The following MYO6 variants were observed in gnomAD, a reference collection of about 807,000 sequenced individuals.
MYO6 encodes the protein unconventional myosin-VI.
A neutral mutation model predicts 178.7 loss-of-function variants in MYO6; 74 were observed. The ratio of observed to expected loss-of-function variants is 0.41; its 90% CI spans 0.34 to 0.50. MYO6 has a LOEUF of 0.50. MYO6 is among the 20% of genes least tolerant of loss of function. The pLI is 0.09. For missense variants in MYO6, 1,330 were observed against 1,547.4 expected, an observed-to-expected ratio of 0.86 and a Z score of 2.36; for synonymous variants, 477 against 504.6, an observed-to-expected ratio of 0.95 and a Z score of 0.73.
intron 19 of MYO6, among the ~76,000 whole-genome samples, chr6:75,870,943 G>C (rs59971800): frequency 1.7e-3 from 255 of 152,104 alleles, no homozygotes; most frequent in African/African-American, 6.0e-3. Flanking sequence ...AAAATAAGTG[G>C]TAATAGTGGA....
rs1780530813 is a variant in MYO6, at chr6:75,908,635, G to GA, written c.3412+11dup. The GA allele has an allele frequency of 1.2e-6, 2 of 1,612,996 alleles. No individual in the cohort carries two copies. Among genetic ancestry groups the GA allele is most frequent in the Non-Finnish European group, 1.7e-6 (2 of 1,179,226 alleles). On this transcript the variant is annotated intron_variant, in intron 32 of 34. Transcript: ENST00000369977. ...AGTCTGTTACTGATTATGGTAAAGA[G>GA]AAATCTGTACTTTTGAACGTTTTAA...
intron 1 of MYO6, among the ~76,000 whole-genome samples, chr6:75,758,709 C>T (rs1200457486): frequency 2.6e-5 from 4 of 152,150 alleles, no homozygotes; most frequent in African/African-American, 4.8e-5. Flanking sequence ...CTGCCCGACT[C>T]GGCCTCCCAG....
At chr6:75,755,385 A>T (rs1777261478) in intron 1 of MYO6, among the ~76,000 whole-genome samples, 3 of 152,178 alleles carry the variant, frequency 2.0e-5, no homozygotes, top group Admixed American at 2.0e-4. Context: ...GCTTCAAGTC[A>T]GGTGGTTCAG....
chr6:75,797,313 G>T (rs549968342), intron 1 of MYO6, among the ~76,000 whole-genome samples: 30 of 152,226 alleles, frequency 2.0e-4, no homozygotes, highest in African/African-American at 7.2e-4. Context: ...GGCTGATCTC[G>T]AACTCCCGAC....
intron 10 of MYO6, among the ~76,000 whole-genome samples, chr6:75,845,408 A>G (rs1048961900): frequency 6.6e-6 from 1 of 152,180 alleles, no homozygotes; most frequent in Non-Finnish European, 1.5e-5. Context: ...AGAAATGCTT[A>G]TAGGCTAGGC....
intron 3 of MYO6, 55 bp downstream of exon 3, chr6:75,822,906 A>T (rs1772049015): frequency 7.2e-7 from 1 of 1,380,044 alleles, no homozygotes; most frequent in Admixed American, 1.7e-5. Flanking sequence ...CTGTTCTTTT[A>T]AAAAAATAAA....
In MYO6 at chr6:75,886,075, A is replaced by G; in HGVS notation, c.2488A>G (p.Lys830Glu). The change falls in exon 24 of 35, where the codon AAG becomes GAG. Residue 830 changes from lysine (K) to glutamate (E), a missense_variant. Transcript: ENST00000369977. Reference sequence around the variant, plus strand: ...AAAAACTATTCGAATGTGGCTTTGCAAGAGGAGACACAAACCTCGGTAAGA... The same window carrying G: ...AAAAACTATTCGAATGTGGCTTTGCGAGAGGAGACACAAACCTCGGTAAGA... ...MQKTIRMWLC[K>E]RRHKPRIDGL... 1.9e-6 allele frequency: 3 copies of G among 1,610,646 alleles called. No individual in the cohort carries two copies. The highest frequency in any genetic ancestry group is 2.2e-5 in the South Asian group (2 of 90,902).
At chr6:75,784,863 A>G (rs1181606417) in intron 1 of MYO6, among the ~76,000 whole-genome samples, 1 of 150,728 alleles carries the variant, frequency 6.6e-6, no homozygotes, top group Admixed American at 6.6e-5. Flanking sequence ...CTTTAGTTTG[A>G]AACTTTGTTA....
intron 1 of MYO6, among the ~76,000 whole-genome samples, chr6:75,807,662 A>T (rs1770235143): frequency 6.6e-6 from 1 of 152,192 alleles, no homozygotes; most frequent in African/African-American, 2.4e-5. Flanking sequence ...TTTATTTAGA[A>T]AGTAAAGGAA....
intron 25 of MYO6, among the ~76,000 whole-genome samples, chr6:75,887,775 C>T (rs1186618189): frequency 7.1e-6 from 1 of 140,354 alleles, no homozygotes; most frequent in Non-Finnish European, 1.5e-5. Context: ...AGATTGAGAC[C>T]ATCCTGGCTA....
intron 11 of MYO6, among the ~76,000 whole-genome samples, chr6:75,852,846 C>T (rs1008500015): frequency 1.3e-5 from 2 of 152,020 alleles, no homozygotes; most frequent in African/African-American, 2.4e-5. Flanking sequence ...TTTTCATTTC[C>T]CTTGAGTAAA....
At chr6:75,773,430 A>G (rs968869724) in intron 1 of MYO6, among the ~76,000 whole-genome samples, 2 of 152,250 alleles carry the variant, frequency 1.3e-5, no homozygotes, top group Non-Finnish European at 2.9e-5. Flanking sequence ...CATGTTTCAA[A>G]TGCAGAAGGT....
chr6:75,892,264 C>T (rs1778960603), intron 27 of MYO6, among the ~76,000 whole-genome samples: 1 of 152,108 alleles, frequency 6.6e-6, no homozygotes, highest in South Asian at 2.1e-4. Flanking sequence ...ATGTTTGGGA[C>T]ACTAATATTT....
intron 1 of MYO6, among the ~76,000 whole-genome samples, chr6:75,754,847 T>C (rs1777214435): frequency 6.6e-6 from 1 of 152,236 alleles, no homozygotes; most frequent in Non-Finnish European, 1.5e-5. Flanking sequence ...AAAATATTTT[T>C]GTATGCATTT....
chr6:75,847,468 C>G (rs921592559), intron 10 of MYO6, among the ~76,000 whole-genome samples: 2 of 151,802 alleles, frequency 1.3e-5, no homozygotes, highest in East Asian at 3.9e-4. Flanking sequence ...TTTTCGTGTC[C>G]AGTAACTTTT....
intron 10 of MYO6, among the ~76,000 whole-genome samples, chr6:75,845,968 C>T (rs1477188647): frequency 6.2e-5 from 9 of 146,144 alleles, no homozygotes. Flanking sequence ...GCCTGGGCGA[C>T]AGAACGAGAC....
intron 12 of MYO6, among the ~76,000 whole-genome samples, chr6:75,856,152 C>T (rs966317540): frequency 2.0e-5 from 3 of 152,184 alleles, no homozygotes; most frequent in Admixed American, 1.3e-4. Flanking sequence ...CTACAGCCTA[C>T]AGTTACTTGG....
At chr6:75,795,302 A>C (rs1382723418) in intron 1 of MYO6, among the ~76,000 whole-genome samples, 3 of 152,264 alleles carry the variant, frequency 2.0e-5, no homozygotes, top group East Asian at 1.9e-4. Context: ...TTTAAAAAAA[A>C]CCAAAAGTTT....
At position 75,866,994 on chromosome 6, in the gene MYO6, A is replaced by G; in HGVS notation, c.1833A>G (p.Glu611=). 1 of 1,613,774 alleles carries G rather than the reference A, an allele frequency of 6.2e-7. No homozygotes were observed. The highest frequency in any genetic ancestry group is 8.5e-7 in the Non-Finnish European group (1 of 1,179,710). Residue 611 remains glutamate, a synonymous_variant, in exon 18 of 35, where the codon GAA becomes GAG. Transcript: ENST00000369977. ...LHMSLESLIC[E]SRDKFIRELF... ...TGTCTCTTGAATCCTTAATATGTGA[A>G]TCCAGAGATAAGTTTATACGGGAAT...
Sources: allele counts gnomAD v4.1 joint callset (sites outside exome capture counted in the v4.1 genomes callset), GRCh38; gene constraint gnomAD v4.1.1; transcripts MANE v1.5; gene names NCBI Gene and HGNC (gene_info 2026-07-23, HGNC 2026-07-21).